WDR82: variants seen among roughly 807,000 people sequenced by gnomAD.
WDR82 encodes the protein WD repeat domain 82.
A neutral mutation model predicts 36.1 loss-of-function variants in WDR82; 8 were observed. The observed-to-expected ratio is 0.22, with a 90% CI of 0.13 to 0.40. WDR82 has a LOEUF of 0.40. Ranked by LOEUF, WDR82 falls within the 10% of genes least tolerant of loss-of-function variation. The pLI is 1.00. For missense variants in WDR82, 185 were observed against 400.5 expected (o/e 0.46, Z 4.59); for synonymous variants, 129 against 137.8 (o/e 0.94, Z 0.45).
In WDR82 at chr3:52,257,388, C is replaced by T; in HGVS notation, c.*102G>A. 6.6e-7 allele frequency: 1 copy of T among 1,516,304 alleles called. No individual in the cohort carries two copies. The highest frequency in any genetic ancestry group is 1.1e-5 in the South Asian group (1 of 88,816). 93.9% of individuals were successfully genotyped at this position (1,516,304 alleles called of 1,614,324 possible). A position where few individuals can be genotyped will look rare whatever the true frequency, so the allele number is the denominator to read the frequency against. On this transcript the variant is annotated 3_prime_UTR_variant, in exon 9 of 9. Transcript: ENST00000296490. ...GAAGGCCATGTAAAAGGATGTTCTC[C>T]AGCCCAGTCAAATGATCCAATCCCA... is the stretch of plus-strand genomic sequence containing the variant.
intron 2 of WDR82, among the ~76,000 whole-genome samples, chr3:52,268,684 A>G (rs933371246): frequency 1.3e-5 from 2 of 151,994 alleles, no homozygotes; most frequent in African/African-American, 4.8e-5. Flanking sequence ...TAGAAATGAC[A>G]TACTTAACTA....
intron 3 of WDR82, among the ~76,000 whole-genome samples, chr3:52,264,274 A>G (rs556800297): frequency 1.8e-4 from 28 of 152,320 alleles, no homozygotes; most frequent in African/African-American, 6.7e-4. Flanking sequence ...GGTAAATGAA[A>G]TCAGCGATGG....
rs190797463 is a variant in WDR82, at chr3:52,266,460, C to T, written c.326+492G>A. ...TATATATACATATATATCTTTGAGACGGAGTCTCACTCTGTCGCCCAAGCT... is the reference window on the plus strand; with the variant it reads ...TATATATACATATATATCTTTGAGATGGAGTCTCACTCTGTCGCCCAAGCT... On this transcript the variant is annotated intron_variant, in intron 3 of 8. Coordinates refer to ENST00000296490, the MANE Select transcript of WDR82 (RefSeq NM_025222.4). 9.4e-4 allele frequency among the ~76,000 whole-genome samples: 143 copies of T among 152,040 alleles called. 1 individual carries two copies. The East Asian group carries it at 0.025, about 26-fold the overall frequency.
intron 2 of WDR82, 31 bp downstream of exon 2, chr3:52,270,681 T>A: frequency 6.5e-7 from 1 of 1,544,364 alleles, no homozygotes; most frequent in South Asian, 1.2e-5. Context: ...AAGGAAACCA[T>A]GACCTTAACT....
chr3:52,272,954 T>C (rs1034411410), intron 1 of WDR82, among the ~76,000 whole-genome samples: 11 of 152,228 alleles, frequency 7.2e-5, no homozygotes, highest in Admixed American at 5.2e-4. Context: ...AACACTTCAC[T>C]CCTAAAAAGA....
intron 2 of WDR82, among the ~76,000 whole-genome samples, chr3:52,269,335 C>T (rs928175239): frequency 1.3e-5 from 2 of 152,048 alleles, no homozygotes; most frequent in African/African-American, 4.8e-5. Flanking sequence ...ATTAGCCGGG[C>T]GTGTTGGTGG....
chr3:52,277,385 T>G (rs116592730), intron 1 of WDR82, among the ~76,000 whole-genome samples: 1 of 151,804 alleles, frequency 6.6e-6, no homozygotes. Flanking sequence ...ATGATCAGAA[T>G]TGGAATTCAA....
At position 52,275,444 on chromosome 3, in the gene WDR82, C is replaced by A. The variant is rs529029405; in HGVS notation, c.161+2757G>T. Among the ~76,000 whole-genome samples the A allele has an allele frequency of 8.8e-4, 134 of 152,318 alleles. 1 individual carries two copies. The highest frequency in any genetic ancestry group is 1.7e-3 in the South Asian group (8 of 4,822). ...ACCCAGTTCCCTCCTAACTACCAGG[C>A]CACTCCTTCACCACAGATAATGAAA... On this transcript the variant is annotated intron_variant, in intron 1 of 8. Coordinates refer to ENST00000296490, the MANE Select transcript of WDR82 (RefSeq NM_025222.4).
intron 1 of WDR82, among the ~76,000 whole-genome samples, chr3:52,271,859 C>T (rs1451428542): frequency 1.3e-5 from 2 of 152,072 alleles, no homozygotes; most frequent in South Asian, 2.1e-4. Flanking sequence ...TTTGGGAGGC[C>T]GAGCCAGGCA....
chr3:52,260,381 T>C lies in WDR82; in HGVS notation c.543+4A>G. 1 of 1,543,568 alleles carries C rather than the reference T, an allele frequency of 6.5e-7. No homozygotes were observed. The highest frequency in any genetic ancestry group is 8.7e-7 in the Non-Finnish European group (1 of 1,152,304). On this transcript the variant is annotated splice_donor_region_variant and intron_variant, in intron 5 of 8. Transcript: ENST00000296490. ...TCAAAGATCTCAAAGATTCAAAGAT[T>C]TACCTTATCAAAAGAACGAAGGTCA... is the stretch of plus-strand genomic sequence containing the variant.
intron 7 of WDR82, among the ~76,000 whole-genome samples, chr3:52,258,979 A>G (rs528880431): frequency 6.6e-6 from 1 of 152,354 alleles, no homozygotes; most frequent in African/African-American, 2.4e-5. Flanking sequence ...GGGTTACACC[A>G]GGACATTAGC....
chr3:52,257,692 T>C (rs1435881371), intron 8 of WDR82, among the ~76,000 whole-genome samples, 173 bp from the exon 9 acceptor site: 1 of 152,146 alleles, frequency 6.6e-6, no homozygotes, highest in Non-Finnish European at 1.5e-5. Context: ...CTTTCCTCTA[T>C]GTGAAAGTAA....
chr3:52,261,295 T>C, intron 4 of WDR82, 85 bp downstream of exon 4: 1 of 1,218,994 alleles, frequency 8.2e-7, no homozygotes, highest in Non-Finnish European at 1.2e-6. Context: ...GGAACCACTG[T>C]TTTCTCCCTT....
chr3:52,268,584 C>T (rs1158039069), intron 2 of WDR82, among the ~76,000 whole-genome samples: 1 of 152,116 alleles, frequency 6.6e-6, no homozygotes. Context: ...GACATGTTTC[C>T]TCAGGATCCT....
rs1489306386 is a variant in WDR82, at chr3:52,270,994, A to C, written c.162-185T>G. ...ACGCTCAAGCAACAGCCATCTGAAG[A>C]AGCTTTCCACCTTAGAACACCTAGT... On this transcript the variant is annotated intron_variant, in intron 1 of 8. Coordinates refer to ENST00000296490, the MANE Select transcript of WDR82 (RefSeq NM_025222.4). Among the ~76,000 whole-genome samples the C allele has an allele frequency of 3.3e-5, 5 of 152,376 alleles. 1 individual carries two copies. Among genetic ancestry groups the C allele is most frequent in the South Asian group, 4.1e-4 (2 of 4,828 alleles).
At chr3:52,269,925 A>G (rs1003624331) in intron 2 of WDR82, among the ~76,000 whole-genome samples, 6 of 152,196 alleles carry the variant, frequency 3.9e-5, no homozygotes, top group Non-Finnish European at 8.8e-5. Flanking sequence ...AAGTAACTCT[A>G]CTCTTTAGAT....
intron 3 of WDR82, among the ~76,000 whole-genome samples, chr3:52,266,187 A>C (rs539129779): frequency 9.2e-5 from 14 of 152,224 alleles, no homozygotes; most frequent in Admixed American, 2.6e-4. Flanking sequence ...AAGATCTTTA[A>C]ATGGAACATT....
intron 1 of WDR82, among the ~76,000 whole-genome samples, chr3:52,272,033 T>A (rs1253125741): frequency 2.0e-5 from 3 of 152,124 alleles, no homozygotes; most frequent in East Asian, 3.9e-4. Context: ...GAGGTTGCAG[T>A]AAGCCAAGAT....
chr3:52,276,652 T>C (rs569875216), intron 1 of WDR82, among the ~76,000 whole-genome samples: 1 of 152,300 alleles, frequency 6.6e-6, no homozygotes, highest in Non-Finnish European at 1.5e-5. Context: ...AGCTTCAAAT[T>C]ACTCCTCCAG....
Sources: allele counts gnomAD v4.1 joint callset (sites outside exome capture counted in the v4.1 genomes callset), GRCh38; gene constraint gnomAD v4.1.1; transcripts MANE v1.5; gene names NCBI Gene and HGNC (gene_info 2026-07-23, HGNC 2026-07-21).